Variants in LCP1 observed in about 807,000 individuals in gnomAD.
The protein encoded by LCP1 is plastin-2.
A neutral mutation model predicts 72.0 loss-of-function variants in LCP1; 23 were observed. That is an observed-to-expected ratio of 0.32 (90% CI 0.23 to 0.45). LCP1 has a LOEUF of 0.45. Among genes scored for constraint, LCP1 ranks in the 20% least tolerant of loss-of-function variants. The probability of loss-of-function intolerance (pLI) is 1.00; values close to 1 mark genes in which losing one functional copy is unlikely to be tolerated. For missense variants in LCP1, 571 were observed against 748.3 expected, an observed-to-expected ratio of 0.76 and a Z score of 2.76; for synonymous variants, 245 against 275.4, an observed-to-expected ratio of 0.89 and a Z score of 1.09.
intron 1 of LCP1, among the ~76,000 whole-genome samples, chr13:46,179,063 A>T (rs2045944917): frequency 6.6e-6 from 1 of 152,248 alleles, no homozygotes. Flanking sequence ...AAAGAGGCCC[A>T]TTATTGGGTA....
rs368627380 is a variant in LCP1, at chr13:46,142,382, G to C, written c.1412C>G (p.Ala471Gly). ...ACCGATGCCAACCAGGGAGAACTTC[G>C]CTTGATTCTTCCCCAATTCTACCGC... ...NYAVELGKNQ[A>G]KFSLVGIGGQ... The change falls in exon 13 of 16, where the codon GCG (alanine) becomes GGG (glycine). Residue 471 changes from alanine to glycine, a missense_variant. Coordinates refer to ENST00000323076, the MANE Select transcript of LCP1 (RefSeq NM_002298.5). The C allele has an allele frequency of 4.3e-6, 7 of 1,613,944 alleles. No homozygotes were observed. In the South Asian group the frequency reaches 6.6e-5, roughly 15 times the overall value.
At chr13:46,147,319 C>T (rs2045737066) in intron 9 of LCP1, among the ~76,000 whole-genome samples, 1 of 152,224 alleles carries the variant, frequency 6.6e-6, no homozygotes, top group Admixed American at 6.5e-5. Context: ...AAGGATCTCT[C>T]ATCTCCTTTA....
At chr13:46,149,545 C>G (rs914144160) in intron 8 of LCP1, among the ~76,000 whole-genome samples, 1 of 152,194 alleles carries the variant, frequency 6.6e-6, no homozygotes, top group African/African-American at 2.4e-5. Context: ...CCTGGGTGTT[C>G]TCCTCGCCTT....
Position 46,175,893 on chromosome 13 carries a change from C to T in LCP1, c.-25+6218G>A, listed in dbSNP as rs931796206. On this transcript the variant is annotated intron_variant, in intron 1 of 15. Transcript: ENST00000323076. ...TGATCTTCTCTTTTTTCCTTACTCCCACTTTGCACCTATTACCTAGCTTTC... is the reference window on the plus strand; with the variant it reads ...TGATCTTCTCTTTTTTCCTTACTCCTACTTTGCACCTATTACCTAGCTTTC... 4.6e-5 allele frequency among the ~76,000 whole-genome samples: 7 copies of T among 152,286 alleles called. 1 individual carries two copies. In the East Asian group the frequency reaches 1.4e-3, roughly 29 times the overall value.
intron 7 of LCP1, 115 bp downstream of exon 7, chr13:46,152,665 A>G: frequency 9.7e-7 from 1 of 1,026,804 alleles, no homozygotes; most frequent in Non-Finnish European, 1.4e-6. Context: ...CATGGAATCA[A>G]TATAACTGTG....
At chr13:46,163,482 A>G (rs528735402) in intron 1 of LCP1, among the ~76,000 whole-genome samples, 54 of 152,328 alleles carry the variant, frequency 3.5e-4, no homozygotes, top group African/African-American at 1.2e-3. Flanking sequence ...TCAAGTACCC[A>G]GGGACACAAA....
At chr13:46,167,941 G>C (rs1406092541) in intron 1 of LCP1, among the ~76,000 whole-genome samples, 1 of 152,104 alleles carries the variant, frequency 6.6e-6, no homozygotes, top group Non-Finnish European at 1.5e-5. Context: ...CAAGTGAAAA[G>C]GTTAAACACA....
chr13:46,138,558 C>A (rs1358594635), intron 13 of LCP1, among the ~76,000 whole-genome samples: 3 of 152,120 alleles, frequency 2.0e-5, no homozygotes, highest in African/African-American at 7.2e-5. Context: ...GGCTTTGAGC[C>A]ACATTTTTAT....
chr13:46,136,790 C>T (rs942038664), intron 13 of LCP1, among the ~76,000 whole-genome samples: 1 of 152,142 alleles, frequency 6.6e-6, no homozygotes, highest in South Asian at 2.1e-4. Flanking sequence ...TCATTAGGTC[C>T]TCTCTATATA....
chr13:46,163,479 C>A (rs1437456075), intron 1 of LCP1, among the ~76,000 whole-genome samples: 2 of 152,136 alleles, frequency 1.3e-5, no homozygotes, highest in South Asian at 2.1e-4. Flanking sequence ...ATCTCAAGTA[C>A]CCAGGGACAC....
At chr13:46,148,568 C>A (rs200031200) in intron 8 of LCP1, 121 bp from the exon 9 acceptor site, 1 of 667,520 alleles carries the variant, frequency 1.5e-6, no homozygotes. Context: ...CAGAATGTAA[C>A]TTAACAAAGC....
chr13:46,128,862 C>T (rs2045617161), intron 15 of LCP1, among the ~76,000 whole-genome samples: 1 of 152,140 alleles, frequency 6.6e-6, no homozygotes, highest in Non-Finnish European at 1.5e-5. Context: ...TTATTCACCT[C>T]GTTTATTATC....
chr13:46,144,895 A>C (rs2045720814), intron 10 of LCP1, among the ~76,000 whole-genome samples: 1 of 152,216 alleles, frequency 6.6e-6, no homozygotes, highest in Non-Finnish European at 1.5e-5. Context: ...GACAGGGAAA[A>C]GAACAGTATG....
intron 1 of LCP1, among the ~76,000 whole-genome samples, chr13:46,175,484 G>A (rs750325569): frequency 1.3e-5 from 2 of 152,116 alleles, no homozygotes; most frequent in African/African-American, 2.4e-5. Context: ...CCTCTTTTGT[G>A]CCTGGGAGCT....
intron 5 of LCP1, 100 bp from the exon 6 acceptor site, chr13:46,154,986 A>G (rs1185294030): frequency 2.3e-6 from 2 of 861,512 alleles, no homozygotes; most frequent in Admixed American, 4.1e-5. Flanking sequence ...CAAAGAAGAT[A>G]GCAACAGAAT....
intron 13 of LCP1, among the ~76,000 whole-genome samples, chr13:46,141,324 T>C (rs538281559): frequency 6.9e-6 from 1 of 144,960 alleles, no homozygotes; most frequent in South Asian, 2.2e-4. Context: ...GAGAATCACT[T>C]GGACCCAGGA....
At chr13:46,181,673 C>T (rs945172727) in intron 1 of LCP1, among the ~76,000 whole-genome samples, 4 of 152,180 alleles carry the variant, frequency 2.6e-5, no homozygotes, top group African/African-American at 9.7e-5. Context: ...AAAAACAGAA[C>T]CGCAGGAACT....
intron 13 of LCP1, among the ~76,000 whole-genome samples, chr13:46,138,160 G>A (rs898369145): frequency 1.3e-5 from 2 of 152,206 alleles, no homozygotes; most frequent in Non-Finnish European, 2.9e-5. Context: ...CCCTGAGAAT[G>A]ATTTCCAAGC....
chr13:46,128,138 G>A (rs986139898), intron 15 of LCP1, among the ~76,000 whole-genome samples: 3 of 151,772 alleles, frequency 2.0e-5, no homozygotes, highest in African/African-American at 4.8e-5. Flanking sequence ...ACTACAGCAC[G>A]TGCTGCCACT....
Sources: allele counts gnomAD v4.1 joint callset (sites outside exome capture counted in the v4.1 genomes callset), GRCh38; gene constraint gnomAD v4.1.1; transcripts MANE v1.5; gene names NCBI Gene and HGNC (gene_info 2026-07-23, HGNC 2026-07-21).